DPYD: variants seen among roughly 807,000 people sequenced by gnomAD.
The protein encoded by DPYD is dihydropyrimidine dehydrogenase [NADP(+)].
In DPYD, 109 loss-of-function variants were observed where a neutral mutation model predicts 116.2. The ratio of observed to expected loss-of-function variants is 0.94; its 90% CI spans 0.80 to 1.10. The LOEUF is 1.10. Among genes scored for constraint, DPYD ranks in the 50% least tolerant of loss-of-function variants. The probability of loss-of-function intolerance (pLI) is 0.00; values close to 1 mark genes in which losing one functional copy is unlikely to be tolerated. For missense variants in DPYD, 1,302 were observed against 1,254.5 expected (o/e 1.04, Z -0.57); for synonymous variants, 440 against 432.0 (o/e 1.02, Z -0.23).
intron 3 of DPYD, among the ~76,000 whole-genome samples, chr1:97,763,669 A>G (rs988395054): frequency 7.9e-5 from 12 of 152,194 alleles, no homozygotes; most frequent in African/African-American, 2.9e-4. Flanking sequence ...TGATTAAAAT[A>G]GTTCTTGCAT....
intron 14 of DPYD, among the ~76,000 whole-genome samples, chr1:97,385,246 T>C (rs1296924217): frequency 8.4e-6 from 1 of 119,590 alleles, no homozygotes; most frequent in East Asian, 2.7e-4. Context: ...CTTCCAGGAC[T>C]AGACCTAATA....
chr1:97,260,742 A>T (rs1196328391), intron 18 of DPYD, among the ~76,000 whole-genome samples: 2 of 152,106 alleles, frequency 1.3e-5, no homozygotes, highest in Admixed American at 6.6e-5. Context: ...GTGTCAAATA[A>T]ACAGAAAAAT....
At chr1:97,599,570 C>T (rs1557828558) in intron 8 of DPYD, among the ~76,000 whole-genome samples, 1 of 152,024 alleles carries the variant, frequency 6.6e-6, no homozygotes, top group Non-Finnish European at 1.5e-5. Flanking sequence ...TTGTGTGATG[C>T]TTCCTGTCCT....
chr1:97,094,811 G>T (rs997717332), intron 21 of DPYD, among the ~76,000 whole-genome samples: 2 of 152,150 alleles, frequency 1.3e-5, no homozygotes, highest in East Asian at 3.9e-4. Context: ...AAGCAGAGAG[G>T]TGAATACAGA....
intron 12 of DPYD, among the ~76,000 whole-genome samples, chr1:97,518,202 C>G (rs889505019): frequency 6.6e-6 from 1 of 151,944 alleles, no homozygotes; most frequent in Non-Finnish European, 1.5e-5. Flanking sequence ...CACACACACA[C>G]AGACACAATT....
chr1:97,724,586 T>C (rs1451894062), intron 4 of DPYD, among the ~76,000 whole-genome samples: 2 of 151,542 alleles, frequency 1.3e-5, no homozygotes, highest in Admixed American at 6.6e-5. Context: ...GGAAGAATTA[T>C]GTGTTTTTCA....
At chr1:97,629,020 CT>C (rs1323566613) in intron 8 of DPYD, among the ~76,000 whole-genome samples, 1 of 152,086 alleles carries the variant, frequency 6.6e-6, no homozygotes, top group East Asian at 1.9e-4. Context: ...TGCAGCAGGA[CT>C]AGGTGAGTCC....
At chr1:97,801,473 T>C (rs933290740) in intron 3 of DPYD, among the ~76,000 whole-genome samples, 9 of 152,076 alleles carry the variant, frequency 5.9e-5, no homozygotes, top group Non-Finnish European at 8.8e-5. Flanking sequence ...CTGAGAGAGA[T>C]GCATTAAAGA....
intron 2 of DPYD, among the ~76,000 whole-genome samples, chr1:97,838,561 C>T (rs528174536): frequency 6.6e-6 from 1 of 152,292 alleles, no homozygotes; most frequent in African/African-American, 2.4e-5. Flanking sequence ...AATAAAAGAA[C>T]TTGGCCGGGC....
rs569841879 is a variant in DPYD at position 97,212,276 on chromosome 1, T to C, written c.2443-19028A>G. On this transcript the variant is annotated intron_variant, in intron 19 of 22. Coordinates refer to ENST00000370192, the MANE Select transcript of DPYD (RefSeq NM_000110.4). ...CTGATTCGTTGTCCTCATAATTTTG[T>C]CACATCCAATCATTTCATAAAAATG... Among the ~76,000 whole-genome samples the C allele has an allele frequency of 2.6e-5, 4 of 152,284 alleles. No individual in the cohort carries two copies. The East Asian group carries it at 7.7e-4, about 29-fold the overall frequency.
intron 12 of DPYD, among the ~76,000 whole-genome samples, chr1:97,520,101 G>T (rs1380005368): frequency 6.6e-6 from 1 of 151,952 alleles, no homozygotes; most frequent in Non-Finnish European, 1.5e-5. Context: ...CAATATACCT[G>T]TTAGACTCAG....
chr1:97,607,011 T>C (rs1346897322), intron 8 of DPYD, among the ~76,000 whole-genome samples: 2 of 151,890 alleles, frequency 1.3e-5, no homozygotes, highest in East Asian at 1.9e-4. Flanking sequence ...AAAAATGAGA[T>C]GCAAATTTTG....
At chr1:97,506,046 C>T (rs933381685) in intron 13 of DPYD, among the ~76,000 whole-genome samples, 7 of 151,962 alleles carry the variant, frequency 4.6e-5, no homozygotes, top group African/African-American at 1.7e-4. Context: ...CTTTATTTCT[C>T]ATGACACCTC....
At chr1:97,636,421 G>C (rs949161339) in intron 8 of DPYD, among the ~76,000 whole-genome samples, 7 of 151,810 alleles carry the variant, frequency 4.6e-5, no homozygotes, top group Non-Finnish European at 1.0e-4. Flanking sequence ...GTTACCCTGG[G>C]CAAGTCACCC....
At chr1:97,147,518 G>A (rs1439302760) in intron 20 of DPYD, among the ~76,000 whole-genome samples, 1 of 152,114 alleles carries the variant, frequency 6.6e-6, no homozygotes, top group East Asian at 1.9e-4. Flanking sequence ...AAAATAAACT[G>A]GCAGTGATAT....
intron 16 of DPYD, among the ~76,000 whole-genome samples, chr1:97,339,177 G>T (rs901261087): frequency 6.6e-6 from 1 of 152,024 alleles, no homozygotes; most frequent in Non-Finnish European, 1.5e-5. Context: ...TTTAGAGGAA[G>T]ATCTAGGTGA....
intron 19 of DPYD, among the ~76,000 whole-genome samples, chr1:97,223,638 T>C (rs1660924059): frequency 6.6e-6 from 1 of 152,112 alleles, no homozygotes; most frequent in Non-Finnish European, 1.5e-5. Flanking sequence ...GAACATTTTA[T>C]AATGAAACCT....
chr1:97,580,663 T>G (rs1653586352), intron 10 of DPYD, among the ~76,000 whole-genome samples: 1 of 152,158 alleles, frequency 6.6e-6, no homozygotes, highest in Admixed American at 6.5e-5. Flanking sequence ...AAATCCAGAT[T>G]TAGCAATAAC....
chr1:97,790,260 C>G (rs937943157), intron 3 of DPYD, among the ~76,000 whole-genome samples: 2 of 152,172 alleles, frequency 1.3e-5, no homozygotes, highest in African/African-American at 4.8e-5. Context: ...ATGGACCCAG[C>G]TGACTTCAAG....
Sources: allele counts gnomAD v4.1 joint callset (sites outside exome capture counted in the v4.1 genomes callset), GRCh38; gene constraint gnomAD v4.1.1; transcripts MANE v1.5; gene names NCBI Gene and HGNC (gene_info 2026-07-23, HGNC 2026-07-21).